The following CSMD1 variants were observed in gnomAD, a reference collection of about 807,000 sequenced individuals.
CSMD1 encodes CUB and Sushi multiple domains 1.
In CSMD1, 213 loss-of-function variants were observed where a neutral mutation model predicts 417.5. That is an observed-to-expected ratio of 0.51 (90% confidence interval 0.46 to 0.57). The LOEUF is 0.57. CSMD1 is among the 20% of genes least tolerant of loss of function. CSMD1 has a pLI of 0.00. For synonymous variants in CSMD1, 2,862 were observed against 1,736.8 expected, an observed-to-expected ratio of 1.65 and a Z score of -16.11; for missense variants, 6,923 against 4,529.7, an observed-to-expected ratio of 1.53 and a Z score of -15.17.
At chr8:3,915,595 A>C (rs1422454142) in intron 5 of CSMD1, among the ~76,000 whole-genome samples, 1 of 151,500 alleles carries the variant, frequency 6.6e-6, no homozygotes, top group Non-Finnish European at 1.5e-5. Context: ...TAATGGGATT[A>C]TTACTGAAAT....
intron 50 of CSMD1, 88 bp from the exon 51 acceptor site, chr8:3,029,601 A>G (rs1444241081): frequency 1.7e-6 from 2 of 1,153,640 alleles, no homozygotes; most frequent in African/African-American, 3.1e-5. Context: ...GTCTTGCTAT[A>G]TGAAACTGAT....
intron 15 of CSMD1, among the ~76,000 whole-genome samples, chr8:3,401,389 C>T (rs1480728367): frequency 2.0e-5 from 3 of 151,996 alleles, no homozygotes; most frequent in African/African-American, 4.8e-5. Flanking sequence ...TTTTATTATA[C>T]TCTTACCCAT....
At chr8:4,433,091 G>A (rs1448289334) in intron 2 of CSMD1, among the ~76,000 whole-genome samples, 1 of 152,178 alleles carries the variant, frequency 6.6e-6, no homozygotes, top group African/African-American at 2.4e-5. Context: ...CTGATGATCT[G>A]TCATTGTCTC....
chr8:4,670,679 G>C (rs1049076920), intron 1 of CSMD1, among the ~76,000 whole-genome samples: 1 of 152,146 alleles, frequency 6.6e-6, no homozygotes, highest in East Asian at 1.9e-4. Context: ...ATATTACTAT[G>C]ATAGGTTTGA....
chr8:3,305,371 C>G (rs1804750810), intron 25 of CSMD1, among the ~76,000 whole-genome samples: 1 of 152,120 alleles, frequency 6.6e-6, no homozygotes, highest in African/African-American at 2.4e-5. Flanking sequence ...ACTGTCTCCA[C>G]CAAAACTCAT....
chr8:3,294,624 A>C (rs540541217), intron 25 of CSMD1, among the ~76,000 whole-genome samples: 48 of 152,320 alleles, frequency 3.2e-4, no homozygotes, highest in Middle Eastern at 6.8e-3. Context: ...TGAGTCATGC[A>C]CGGGATATAA....
intron 5 of CSMD1, among the ~76,000 whole-genome samples, chr8:3,974,768 A>G (rs1169117267): frequency 2.0e-5 from 3 of 152,100 alleles, no homozygotes; most frequent in Non-Finnish European, 2.9e-5. Flanking sequence ...AATTCTTTAC[A>G]GTTATTGGTA....
At chr8:3,562,025 A>T (rs1264812671) in intron 10 of CSMD1, among the ~76,000 whole-genome samples, 1 of 152,148 alleles carries the variant, frequency 6.6e-6, no homozygotes, top group African/African-American at 2.4e-5. Context: ...TCCTGACTTT[A>T]CACATCACTA....
At chr8:4,689,834 G>A (rs907803632) in intron 1 of CSMD1, among the ~76,000 whole-genome samples, 20 of 152,096 alleles carry the variant, frequency 1.3e-4, no homozygotes, top group African/African-American at 4.8e-4. Context: ...CCTTTCTGGT[G>A]CCTTTAATAC....
chr8:3,909,171 A>G (rs1439010807), intron 5 of CSMD1, among the ~76,000 whole-genome samples: 1 of 152,226 alleles, frequency 6.6e-6, no homozygotes, highest in Non-Finnish European at 1.5e-5. Flanking sequence ...AGACTGGGTC[A>G]GGCTGTAGCT....
rs758613165 is a variant in CSMD1, at chr8:3,387,545, G to A, written c.2731C>T (p.Leu911Phe). 5.0e-6 allele frequency: 8 copies of A among 1,601,794 alleles called. No homozygotes were observed. The Admixed American group carries it at 1.0e-4, about 21-fold the overall frequency. ...PGYTLSDDEP[L>F]VCERNHQWNH... ...CACTGGTGGTTCCTCTCACAGACGA[G>A]GGGCTCGTCGTCACTTAGTGTGTAC... The change falls in exon 18 of 70, where the codon CTC becomes TTC. Residue 911 changes from leucine (L) to phenylalanine (F), a missense_variant. Coordinates refer to ENST00000635120, the MANE Select transcript of CSMD1 (RefSeq NM_033225.6).
intron 1 of CSMD1, among the ~76,000 whole-genome samples, chr8:4,774,628 C>G (rs536940315): frequency 7.2e-5 from 11 of 152,190 alleles, no homozygotes; most frequent in African/African-American, 2.4e-4. Flanking sequence ...ATCCATTTCC[C>G]CACCCTAACT....
At chr8:3,618,963 G>A (rs1484137805) in intron 7 of CSMD1, among the ~76,000 whole-genome samples, 1 of 152,096 alleles carries the variant, frequency 6.6e-6, no homozygotes, top group East Asian at 1.9e-4. Flanking sequence ...CTGACTTGCA[G>A]GTCAGATGAG....
chr8:3,851,798 G>A (rs78057143), intron 5 of CSMD1, among the ~76,000 whole-genome samples: 1 of 152,140 alleles, frequency 6.6e-6, no homozygotes, highest in South Asian at 2.1e-4. Flanking sequence ...GGTGTGAGTA[G>A]AACACGTGGT....
At chr8:4,078,351 G>C (rs1279813759) in intron 3 of CSMD1, among the ~76,000 whole-genome samples, 2 of 129,736 alleles carry the variant, frequency 1.5e-5, no homozygotes, top group Non-Finnish European at 3.1e-5. Context: ...GTCTTGCTCT[G>C]TGTCGCAGGC....
chr8:3,689,319 G>A (rs1446307281), intron 7 of CSMD1, among the ~76,000 whole-genome samples: 2 of 152,152 alleles, frequency 1.3e-5, no homozygotes, highest in Non-Finnish European at 2.9e-5. Context: ...ATCTCCAGAT[G>A]ATCTAGTTAA....
intron 49 of CSMD1, among the ~76,000 whole-genome samples, chr8:3,063,629 C>G (rs114061711): frequency 1.3e-5 from 2 of 152,188 alleles, no homozygotes; most frequent in African/African-American, 2.4e-5. Context: ...CCTCTACACA[C>G]AGTGGGTTAT....
intron 1 of CSMD1, among the ~76,000 whole-genome samples, chr8:4,837,183 G>A (rs1478102274): frequency 1.3e-5 from 2 of 152,118 alleles, no homozygotes; most frequent in African/African-American, 2.4e-5. Context: ...TGAGGATGGG[G>A]AGAAAAGGAA....
At chr8:4,909,356 G>C (rs990566898) in intron 1 of CSMD1, among the ~76,000 whole-genome samples, 1 of 152,068 alleles carries the variant, frequency 6.6e-6, no homozygotes, top group Non-Finnish European at 1.5e-5. Flanking sequence ...TACTTTTCCA[G>C]TTATAGAAAT....
Sources: gnomAD v4.1 joint callset for allele counts (sites outside exome capture counted in the v4.1 genomes callset) on GRCh38, gnomAD v4.1.1 for gene constraint, MANE v1.5 for transcripts, NCBI Gene and HGNC (gene_info 2026-07-23, HGNC 2026-07-21) for gene names.